Variants in SPOCK3 observed in about 807,000 individuals in gnomAD.
The protein encoded by SPOCK3 is SPARC (osteonectin), cwcv and kazal like domains proteoglycan 3, also known as testican-3.
A neutral mutation model predicts 56.6 loss-of-function variants in SPOCK3; 30 were observed. The observed-to-expected ratio is 0.53, with a 90% CI of 0.40 to 0.72. SPOCK3 has a LOEUF of 0.72. SPOCK3 is among the 30% of genes least tolerant of loss of function. The probability of loss-of-function intolerance (pLI) is 0.00; values close to 1 mark genes in which losing one functional copy is unlikely to be tolerated. For missense variants in SPOCK3, 527 were observed against 530.0 expected (o/e 0.99, Z 0.06); for synonymous variants, 196 against 183.3 (o/e 1.07, Z -0.56).
At chr4:166,833,848 G>A (rs765344203) in intron 6 of SPOCK3, among the ~76,000 whole-genome samples, 1 of 152,090 alleles carries the variant, frequency 6.6e-6, no homozygotes, top group Non-Finnish European at 1.5e-5. Flanking sequence ...TTGCGTTTGG[G>A]CACATGTCAT....
At chr4:166,788,648 C>T (rs924063215) in intron 7 of SPOCK3, among the ~76,000 whole-genome samples, 1 of 151,560 alleles carries the variant, frequency 6.6e-6, no homozygotes, top group Non-Finnish European at 1.5e-5. Flanking sequence ...TTATCCACCT[C>T]ATAATTATAG....
intron 8 of SPOCK3, among the ~76,000 whole-genome samples, chr4:166,753,880 T>C (rs1256624895): frequency 2.0e-5 from 3 of 152,108 alleles, no homozygotes; most frequent in African/African-American, 7.2e-5. Flanking sequence ...ATTCCAATTT[T>C]ACATTATGTT....
At chr4:166,905,012 G>A (rs1044206096) in intron 5 of SPOCK3, among the ~76,000 whole-genome samples, 2 of 151,936 alleles carry the variant, frequency 1.3e-5, no homozygotes, top group African/African-American at 4.8e-5. Context: ...TTCCAGCATT[G>A]TAATTCACCA....
chr4:166,852,077 C>T (rs989207203), intron 6 of SPOCK3, among the ~76,000 whole-genome samples: 8 of 150,698 alleles, frequency 5.3e-5, no homozygotes, highest in South Asian at 2.1e-4. Context: ...TATTCTCACT[C>T]ATAGGTGGGA....
chr4:166,774,256 G>A (rs1260375874), intron 7 of SPOCK3, among the ~76,000 whole-genome samples: 1 of 152,064 alleles, frequency 6.6e-6, no homozygotes, highest in Middle Eastern at 3.2e-3. Context: ...ATGAATGAAC[G>A]ATACGTAAGA....
At chr4:166,738,336 G>C (rs571652910) in intron 9 of SPOCK3, among the ~76,000 whole-genome samples, 1 of 151,908 alleles carries the variant, frequency 6.6e-6, no homozygotes, top group Non-Finnish European at 1.5e-5. Flanking sequence ...CATTTTTATT[G>C]TTGTGTGAAC....
At chr4:167,218,673 A>C (rs1199446367) in intron 2 of SPOCK3, among the ~76,000 whole-genome samples, 10 of 152,148 alleles carry the variant, frequency 6.6e-5, no homozygotes, top group Admixed American at 6.6e-4. Flanking sequence ...TTGACCACTA[A>C]TTTGTTATCT....
chr4:166,811,178 C>T (rs977643717), intron 6 of SPOCK3, among the ~76,000 whole-genome samples: 6 of 151,584 alleles, frequency 4.0e-5, no homozygotes, highest in Non-Finnish European at 8.9e-5. Flanking sequence ...TTTTGTAATC[C>T]TCTGAATTGT....
rs992797334 is a variant in SPOCK3, at chr4:167,157,620, A to T, written c.189+76365T>A. ...TTTCAGATAGGAAAGGTTTTTTTTA[A>T]AAAAAAAAACACAATAAATCATTGT... On this transcript the variant is annotated intron_variant, in intron 2 of 10. Transcript: ENST00000357545. 1.9e-3 allele frequency among the ~76,000 whole-genome samples: 159 copies of T among 82,736 alleles called. 1 individual carries two copies. Among genetic ancestry groups the T allele is most frequent in the African/African-American group, 9.1e-3 (136 of 14,872 alleles). 54.3% of individuals were successfully genotyped at this position (82,736 alleles called of 152,430 possible).
intron 2 of SPOCK3, among the ~76,000 whole-genome samples, chr4:167,148,987 T>C (rs993819172): frequency 6.6e-6 from 1 of 152,136 alleles, no homozygotes; most frequent in Admixed American, 6.6e-5. Context: ...TGTATTAATT[T>C]GAGTAATTCT....
At chr4:166,775,284 C>A (rs1160780814) in intron 7 of SPOCK3, among the ~76,000 whole-genome samples, 1 of 152,108 alleles carries the variant, frequency 6.6e-6, no homozygotes, top group African/African-American at 2.4e-5. Flanking sequence ...TCACATATGT[C>A]ACAGTAAAAA....
intron 4 of SPOCK3, among the ~76,000 whole-genome samples, chr4:166,957,945 G>A (rs948924921): frequency 1.3e-5 from 2 of 152,120 alleles, no homozygotes; most frequent in Non-Finnish European, 2.9e-5. Context: ...GTGAAGAATT[G>A]GGGGGTTACT....
At position 167,016,786 on chromosome 4, in the gene SPOCK3, C is replaced by T. The variant is rs1750671860; in HGVS notation, c.236-16323G>A. Among the ~76,000 whole-genome samples the T allele has an allele frequency of 2.0e-5, 3 of 152,218 alleles. No homozygotes were observed. In the South Asian group the frequency reaches 6.2e-4, roughly 32 times the overall value. On this transcript the variant is annotated intron_variant, in intron 3 of 10. Transcript: ENST00000357545. ...TGAACTCCTGACCTCAGCTGATCCA[C>T]CAGCCTTGGCCTCTCAAAATGCTGA...
intron 2 of SPOCK3, among the ~76,000 whole-genome samples, chr4:167,096,396 T>A (rs1217305728): frequency 1.3e-5 from 2 of 151,946 alleles, no homozygotes; most frequent in Non-Finnish European, 2.9e-5. Context: ...TTCAGCATGA[T>A]CACTTTCCCT....
intron 2 of SPOCK3, among the ~76,000 whole-genome samples, chr4:167,152,995 C>A (rs1764542538): frequency 6.6e-6 from 1 of 152,278 alleles, no homozygotes; most frequent in East Asian, 1.9e-4. Flanking sequence ...CCAATCATAT[C>A]TATCATTTAT....
At chr4:167,211,573 T>G (rs188279044) in intron 2 of SPOCK3, among the ~76,000 whole-genome samples, 1 of 152,262 alleles carries the variant, frequency 6.6e-6, no homozygotes, top group Non-Finnish European at 1.5e-5. Flanking sequence ...GTTCTCGTGA[T>G]AGTGTATAAG....
At chr4:167,039,825 A>G (rs1753095651) in intron 3 of SPOCK3, among the ~76,000 whole-genome samples, 1 of 152,224 alleles carries the variant, frequency 6.6e-6, no homozygotes, top group Non-Finnish European at 1.5e-5. Context: ...TGTTATGTAT[A>G]TATACCACAC....
intron 8 of SPOCK3, among the ~76,000 whole-genome samples, chr4:166,752,381 A>T (rs1477726651): frequency 6.6e-6 from 1 of 152,062 alleles, no homozygotes. Context: ...ATAATGTGAA[A>T]GTTACTTTTT....
chr4:166,764,180 G>A (rs968019621), intron 7 of SPOCK3, among the ~76,000 whole-genome samples: 8 of 151,832 alleles, frequency 5.3e-5, no homozygotes, highest in South Asian at 2.1e-4. Flanking sequence ...TTCAATACAG[G>A]GGAGAAAAGA....
Sources: gnomAD v4.1 joint callset for allele counts (sites outside exome capture counted in the v4.1 genomes callset) on GRCh38, gnomAD v4.1.1 for gene constraint, MANE v1.5 for transcripts, NCBI Gene and HGNC (gene_info 2026-07-23, HGNC 2026-07-21) for gene names.